Variants in MMP16 observed in about 807,000 individuals in gnomAD.
The protein encoded by MMP16 is matrix metalloproteinase-16.
MMP16 carries 12 observed loss-of-function variants against 67.8 expected under a neutral mutation model. That is an observed-to-expected ratio of 0.18 (90% CI 0.11 to 0.29). MMP16 has a LOEUF of 0.29. MMP16 is among the 10% of genes least tolerant of loss of function. The probability of loss-of-function intolerance (pLI) is 1.00; values close to 1 mark genes in which losing one functional copy is unlikely to be tolerated. For synonymous variants in MMP16, 249 were observed against 255.9 expected (o/e 0.97, Z 0.26); for missense variants, 475 against 765.7 (o/e 0.62, Z 4.48).
At chr8:88,226,825 G>A (rs1440548770) in intron 1 of MMP16, among the ~76,000 whole-genome samples, 1 of 151,860 alleles carries the variant, frequency 6.6e-6, no homozygotes, top group East Asian at 1.9e-4. Context: ...AAAACATTCA[G>A]GAGGACTTTG....
chr8:88,201,117 A>C (rs1343304254), intron 1 of MMP16, among the ~76,000 whole-genome samples: 1 of 142,470 alleles, frequency 7.0e-6, no homozygotes, highest in Admixed American at 7.2e-5. Flanking sequence ...ACTGACTCTG[A>C]TTAATTGCAG....
intron 8 of MMP16, among the ~76,000 whole-genome samples, chr8:88,048,110 G>A (rs1808222128): frequency 6.6e-6 from 1 of 152,184 alleles, no homozygotes; most frequent in African/African-American, 2.4e-5. Context: ...GGTAAGCTGA[G>A]AAGGATTGAG....
chr8:88,199,979 G>A lies in MMP16; in HGVS notation c.133-2673C>T, dbSNP rs573724864. Among the ~76,000 whole-genome samples the A allele has an allele frequency of 3.9e-5, 6 of 152,084 alleles. No individual in the cohort carries two copies. In the South Asian group the frequency reaches 1.2e-3, roughly 32 times the overall value. ...CACTTGGATGAATGATATACAATTT[G>A]TAGGGGTGATGTTAGGATTAACTGA... On this transcript the variant is annotated intron_variant, in intron 1 of 9. Transcript: ENST00000286614.
chr8:88,046,535 T>A (rs1808201338), intron 9 of MMP16, 134 bp downstream of exon 9: 1 of 413,754 alleles, frequency 2.4e-6, no homozygotes, highest in South Asian at 7.6e-5. Flanking sequence ...GAAAAAAAGT[T>A]CATATAAATA....
intron 1 of MMP16, among the ~76,000 whole-genome samples, chr8:88,246,557 A>T (rs1024238557): frequency 6.6e-6 from 1 of 152,172 alleles, no homozygotes; most frequent in Non-Finnish European, 1.5e-5. Flanking sequence ...AATATACCAA[A>T]TGATAAATAC....
intron 2 of MMP16, among the ~76,000 whole-genome samples, chr8:88,193,366 A>G (rs948258564): frequency 6.6e-6 from 1 of 152,148 alleles, no homozygotes; most frequent in Non-Finnish European, 1.5e-5. Context: ...AAAACAAAAC[A>G]AAACACACAA....
chr8:88,138,559 C>T (rs978242480), intron 4 of MMP16, among the ~76,000 whole-genome samples: 3 of 151,996 alleles, frequency 2.0e-5, no homozygotes, highest in Non-Finnish European at 2.9e-5. Context: ...GATCTTGGCC[C>T]CTTAATCGTG....
intron 4 of MMP16, among the ~76,000 whole-genome samples, chr8:88,158,004 T>C (rs897897751): frequency 2.4e-4 from 37 of 152,208 alleles, no homozygotes; most frequent in Non-Finnish European, 4.7e-4. Context: ...CATGAACTCA[T>C]CATTTTTTAT....
At chr8:88,230,121 T>A (rs1300734497) in intron 1 of MMP16, among the ~76,000 whole-genome samples, 1 of 152,058 alleles carries the variant, frequency 6.6e-6, no homozygotes, top group African/African-American at 2.4e-5. Context: ...GACATATCTC[T>A]AGGACAAGGA....
intron 1 of MMP16, among the ~76,000 whole-genome samples, chr8:88,240,527 ATTTTC>A (rs1810017935): frequency 6.6e-6 from 1 of 152,134 alleles, no homozygotes; most frequent in African/African-American, 2.4e-5. Context: ...AGGATTTTAT[ATTTTC>A]TTCTTAAACT....
At position 88,284,825 on chromosome 8, in the gene MMP16, C is replaced by G. The variant is rs28986501; in HGVS notation, c.132+42250G>C. Among the ~76,000 whole-genome samples the G allele has an allele frequency of 2.4e-4, 37 of 151,228 alleles. No homozygotes were observed. In the East Asian group the frequency reaches 6.6e-3, roughly 27 times the overall value. The stretch of plus-strand genomic sequence containing the variant: ...TCTCTTCCCCCAAGGGTGCTTCCTT[C>G]TTCTCTATGCCTTTTTTTTTTTTTT... On this transcript the variant is annotated intron_variant, in intron 1 of 9. Coordinates refer to ENST00000286614, the MANE Select transcript of MMP16 (RefSeq NM_005941.5).
intron 2 of MMP16, among the ~76,000 whole-genome samples, chr8:88,193,267 T>C (rs1221241379): frequency 1.3e-5 from 2 of 152,288 alleles, no homozygotes; most frequent in East Asian, 1.9e-4. Context: ...TGGGATAGAA[T>C]TGGAAGACAT....
At chr8:88,196,536 G>C (rs1809259943) in intron 2 of MMP16, among the ~76,000 whole-genome samples, 1 of 152,096 alleles carries the variant, frequency 6.6e-6, no homozygotes, top group South Asian at 2.1e-4. Flanking sequence ...GTGAATGATT[G>C]ATGAACCAAT....
chr8:88,195,352 T>C (rs986175695), intron 2 of MMP16, among the ~76,000 whole-genome samples: 9 of 152,184 alleles, frequency 5.9e-5, no homozygotes, highest in African/African-American at 2.2e-4. Context: ...CTAGTCAAGT[T>C]AGACCTTCAA....
intron 4 of MMP16, among the ~76,000 whole-genome samples, chr8:88,137,911 C>A (rs1404373561): frequency 6.6e-6 from 1 of 151,942 alleles, no homozygotes; most frequent in African/African-American, 2.4e-5. Context: ...CTATGAAATA[C>A]ATCTATTGAG....
intron 6 of MMP16, among the ~76,000 whole-genome samples, chr8:88,079,413 G>A (rs751020313): frequency 6.6e-6 from 1 of 152,152 alleles, no homozygotes; most frequent in East Asian, 1.9e-4. Flanking sequence ...CTTTATCATA[G>A]GTTTGTGTAT....
chr8:88,071,513 A>G (rs1808554729), intron 7 of MMP16, among the ~76,000 whole-genome samples: 1 of 152,158 alleles, frequency 6.6e-6, no homozygotes. Context: ...TGATTTCTGT[A>G]GAGAGAGAAG....
chr8:88,177,954 C>T (rs184215741), intron 3 of MMP16, among the ~76,000 whole-genome samples: 6 of 150,874 alleles, frequency 4.0e-5, no homozygotes, highest in African/African-American at 1.2e-4. Context: ...AGTTTAAAGA[C>T]ATGGTATGTA....
intron 1 of MMP16, among the ~76,000 whole-genome samples, chr8:88,239,084 C>T (rs1241612091): frequency 6.6e-6 from 1 of 152,166 alleles, no homozygotes; most frequent in East Asian, 1.9e-4. Flanking sequence ...TCCATTTCTA[C>T]TCTTTCCTTG....
Sources: allele counts gnomAD v4.1 joint callset (sites outside exome capture counted in the v4.1 genomes callset), GRCh38; gene constraint gnomAD v4.1.1; transcripts MANE v1.5; gene names NCBI Gene and HGNC (gene_info 2026-07-23, HGNC 2026-07-21).